Variants in MYH8 observed in about 807,000 individuals in gnomAD.
The protein encoded by MYH8 is myosin-8.
A neutral mutation model predicts 233.2 loss-of-function variants in MYH8; 168 were observed. The ratio of observed to expected loss-of-function variants is 0.72; its 90% CI spans 0.64 to 0.82. MYH8 has a LOEUF of 0.82. Ranked by LOEUF, MYH8 falls within the 40% of genes least tolerant of loss-of-function variation. The probability of loss-of-function intolerance (pLI) is 0.00; values close to 1 mark genes in which losing one functional copy is unlikely to be tolerated. For synonymous variants in MYH8, 785 were observed against 850.6 expected (o/e 0.92, Z 1.34); for missense variants, 1,995 against 2,327.8 (o/e 0.86, Z 2.94).
intron 39 of MYH8, 72 bp from the exon 40 acceptor site, chr17:10,390,675 G>A (rs1315227529): frequency 5.2e-6 from 8 of 1,537,606 alleles, no homozygotes; most frequent in Non-Finnish European, 5.4e-6. Context: ...GACAGGATTA[G>A]TTCCTCAAAT....
rs2142190656 is a variant in MYH8 at position 10,417,070 on chromosome 17, CA to C, written c.512-1363del. Reference sequence around the variant, plus strand: ...TTGATGTCACTAGTTTGACTTCTGGCAATACTAAATAAGGAAGGGGTCTGGA... The same window carrying C: ...TTGATGTCACTAGTTTGACTTCTGGCATACTAAATAAGGAAGGGGTCTGGA... On this transcript the variant is annotated intron_variant, in intron 5 of 39. Coordinates refer to ENST00000403437, the MANE Select transcript of MYH8 (RefSeq NM_002472.3). The surrounding 1 kb of genome is among the most constrained non-coding windows in gnomAD (Gnocchi z 4.1). Among the ~76,000 whole-genome samples the C allele has an allele frequency of 6.6e-6, 1 of 152,230 alleles. No homozygotes were observed. The highest frequency in any genetic ancestry group is 1.9e-4 in the East Asian group (1 of 5,180).
rs1325870585 is a variant in MYH8, at chr17:10,396,526, G to A, written c.4528+27C>T. 1 of 1,613,678 alleles carries A rather than the reference G, an allele frequency of 6.2e-7. No individual in the cohort carries two copies. The highest frequency in any genetic ancestry group is 8.5e-7 in the Non-Finnish European group (1 of 1,179,810). On this transcript the variant is annotated intron_variant, in intron 32 of 39. Transcript: ENST00000403437. This position sits in a 1 kb window ranked among gnomAD's most constrained non-coding sequence, Gnocchi z 4.2. ...TGGAAAGGTCCTCCCAGGGATATAT[G>A]GAGTAGGGAGGACTGTGAGGACTCA...
Position 10,393,111 on chromosome 17 carries a change from C to T in MYH8, c.5266G>A (p.Glu1756Lys). 1 of 1,614,228 alleles carries T rather than the reference C, an allele frequency of 6.2e-7. No individual in the cohort carries two copies. Among genetic ancestry groups the T allele is most frequent in the Non-Finnish European group, 8.5e-7 (1 of 1,180,054 alleles). ...EVIQESRNAE[E>K]KAKKAITDAA... The stretch of plus-strand genomic sequence containing the variant: ...TCAGTGATGGCCTTCTTGGCTTTCT[C>T]TTCTGCATTGCGTGATTCTTGGATT... The change falls in exon 36 of 40, where the codon GAG (glutamate) becomes AAG (lysine). Residue 1756 changes from glutamate (E) to lysine (K), a missense_variant. By Grantham distance (56) the Glu-to-Lys change is moderately conservative. This residue lies in a region of MYH8 where 1,498 missense variants were observed against 1,680.9 expected (regional missense o/e 0.89). Transcript: ENST00000403437.
At chr17:10,420,741 A>G (rs371083753) in intron 2 of MYH8, among the ~76,000 whole-genome samples, 1 of 152,228 alleles carries the variant, frequency 6.6e-6, no homozygotes, top group East Asian at 1.9e-4. Flanking sequence ...TAAAGCAAAT[A>G]ATTATTTTTA....
Position 10,412,268 on chromosome 17 carries a change from A to C in MYH8, c.1416+102T>G. On this transcript the variant is annotated intron_variant, in intron 14 of 39. Coordinates refer to ENST00000403437, the MANE Select transcript of MYH8 (RefSeq NM_002472.3). ...ACCTTTGTTCTAGGTGCAGTGTTGG[A>C]GCAAGTAATATGGACGCTATAAATG... is the stretch of plus-strand genomic sequence containing the variant. The C allele has an allele frequency of 4.3e-6, 7 of 1,610,696 alleles. No individual in the cohort carries two copies. In the Admixed American group the frequency reaches 6.7e-5, roughly 15 times the overall value.
chr17:10,403,087 A>G (rs566954531), intron 22 of MYH8, among the ~76,000 whole-genome samples: 29 of 152,298 alleles, frequency 1.9e-4, no homozygotes, highest in African/African-American at 6.3e-4. Flanking sequence ...TGAAATTTTG[A>G]AAATGTTCAA....
rs1027921989 is a variant in MYH8, at chr17:10,391,760, A to T, written c.5664+122T>A. ...GGGACAAATTCATATTTATAAAATC[A>T]TCCCTCTTAAAATGAGTGGTAGATT... On this transcript the variant is annotated intron_variant, in intron 39 of 39. Coordinates refer to ENST00000403437, the MANE Select transcript of MYH8 (RefSeq NM_002472.3). The T allele has an allele frequency of 5.1e-6, 4 of 779,032 alleles. No homozygotes were observed. The African/African-American group carries it at 6.9e-5, about 13-fold the overall frequency. The allele number at this position is 779,032 out of a possible 1,614,324, so 48.3% of individuals were successfully genotyped here.
rs373314909 is a variant in MYH8, at chr17:10,420,202, A to G, written c.26T>C (p.Met9Thr). Reference protein sequence around the residue: MSASSDAEMAVFGEAAPYL... With the variant: MSASSDAETAVFGEAAPYL... ...GGGAGCAGCTTCGCCAAAAACAGCC[A>G]TCTCAGCGTCTGAGCTCGCACTCAT... is the stretch of plus-strand genomic sequence containing the variant. The change falls in exon 3 of 40, where the codon ATG (methionine) becomes ACG (threonine). Residue 9 changes from methionine (M) to threonine (T), a missense_variant. This residue lies in a region of MYH8 where 479 missense variants were observed against 600.9 expected (regional missense o/e 0.80). Transcript: ENST00000403437. The G allele has an allele frequency of 8.7e-6, 14 of 1,613,430 alleles. No homozygotes were observed. The African/African-American group carries it at 1.6e-4, about 18-fold the overall frequency.
chr17:10,396,816 CT>C lies in MYH8; in HGVS notation c.4348del (p.Arg1450GlyfsTer38). 6.2e-7 allele frequency: 1 copy of C among 1,614,218 alleles called. No homozygotes were observed. On this transcript the variant is annotated frameshift_variant, in exon 31 of 40. Coordinates refer to ENST00000403437, the MANE Select transcript of MYH8 (RefSeq NM_002472.3). LOFTEE classifies it high-confidence loss of function. This position sits in a 1 kb window ranked among gnomAD's most constrained non-coding sequence, Gnocchi z 4.2. The part of the protein sequence containing the change: ...AACAALDKKQ[R>X]NFDKVLSEWK... Reference sequence around the variant, plus strand: ...AGTCTGGGCCACCTTGTCAAAGTTCCTTTGCTTCTTATCAAGGGCTGCACAG... The same window carrying C: ...AGTCTGGGCCACCTTGTCAAAGTTCCTTGCTTCTTATCAAGGGCTGCACAG...
At chr17:10,412,167 C>T (rs1407497065) in intron 14 of MYH8, among the ~76,000 whole-genome samples, 1 of 152,118 alleles carries the variant, frequency 6.6e-6, no homozygotes, top group Admixed American at 6.5e-5. Context: ...TTTTGAAGTC[C>T]CTAGTGTACA....
intron 17 of MYH8, among the ~76,000 whole-genome samples, 188 bp downstream of exon 17, chr17:10,408,903 ATAATCG>A (rs2072218901): frequency 6.6e-6 from 1 of 152,246 alleles, no homozygotes; most frequent in Admixed American, 6.5e-5. Context: ...AATACATTAG[ATAATCG>A]TAATAAGGAA....
chr17:10,399,732 T>C, intron 27 of MYH8, 63 bp from the exon 28 acceptor site: 1 of 1,601,586 alleles, frequency 6.2e-7, no homozygotes, highest in South Asian at 1.1e-5. Context: ...AAAACTTGAT[T>C]CTTAAAATAT....
rs777838341 is a variant in MYH8, at chr17:10,420,129, C to T, written c.99G>A (p.Pro33=). The T allele has an allele frequency of 8.1e-6, 13 of 1,614,110 alleles. No homozygotes were observed. In the East Asian group the frequency reaches 8.9e-5, roughly 11 times the overall value. Residue 33 remains proline (P), a synonymous_variant, in exon 3 of 40, where the codon CCG becomes CCA. Transcript: ENST00000403437. ...CAAAGACAGATGTTTTAGCATCAAA[C>T]GGCTTGTTTTGGGCCTCAATCCGCT... ...EKERIEAQNK[P]FDAKTSVFVA...
chr17:10,415,432 G>A lies in MYH8; in HGVS notation c.648+40C>T, dbSNP rs762311636. The A allele has an allele frequency of 6.4e-5, 103 of 1,613,108 alleles. No homozygotes were observed. The highest frequency in any genetic ancestry group is 8.7e-5 in the Non-Finnish European group (102 of 1,179,142). ...CACATCTGGGACTCCAGATGTCTGAGAGCCTTGACAGAGGTTTTGACTCTG... is the reference window on the plus strand; with the variant it reads ...CACATCTGGGACTCCAGATGTCTGAAAGCCTTGACAGAGGTTTTGACTCTG... On this transcript the variant is annotated intron_variant, in intron 7 of 39. Transcript: ENST00000403437. This position sits in a 1 kb window ranked among gnomAD's most constrained non-coding sequence, Gnocchi z 4.1.
In MYH8 at chr17:10,394,300, G is replaced by T. The variant is rs200890789; in HGVS notation, c.5115C>A (p.Ala1705=). The T allele has an allele frequency of 1.2e-5, 20 of 1,614,018 alleles. No homozygotes were observed. The highest frequency in any genetic ancestry group is 5.0e-5 in the Admixed American group (3 of 60,002). Residue 1705 remains alanine, a synonymous_variant, in exon 35 of 40, where the codon GCC becomes GCA. Coordinates refer to ENST00000403437, the MANE Select transcript of MYH8 (RefSeq NM_002472.3). ...LEQTERSRKI[A]EQELLDASER... is the part of the protein sequence containing the mutation. The stretch of plus-strand genomic sequence containing the variant: ...CACTGGCATCCAGGAGCTCCTGTTC[G>T]GCGATTTTCCTGCTTCTCTCTGTCT...
rs145863180 is a variant in MYH8, at chr17:10,415,542, C to T, written c.578G>A (p.Arg193His). The T allele has an allele frequency of 6.5e-4, 1,046 of 1,614,190 alleles. 2 individuals are homozygous for T. Among genetic ancestry groups the T allele is most frequent in the South Asian group, 8.9e-4 (81 of 91,086 alleles). The change falls in exon 7 of 40, where the codon CGT becomes CAT. Residue 193 changes from arginine (R) to histidine (H), a missense_variant. Arg to His is a conservative substitution (Grantham distance 29). Coordinates refer to ENST00000403437, the MANE Select transcript of MYH8 (RefSeq NM_002472.3). This position sits in a 1 kb window ranked among gnomAD's most constrained non-coding sequence, Gnocchi z 4.1. Reference sequence around the variant, plus strand: ...AATTGTTGCAAAGTATTGGATGACACGCTTGGTGTTCACAGTCTTTCCGGC... The same window carrying T: ...AATTGTTGCAAAGTATTGGATGACATGCTTGGTGTTCACAGTCTTTCCGGC... ...SGAGKTVNTK[R>H]VIQYFATIAV... is the part of the protein sequence containing the mutation.
At chr17:10,391,200 T>C (rs189245289) in intron 39 of MYH8, among the ~76,000 whole-genome samples, 1 of 152,324 alleles carries the variant, frequency 6.6e-6, no homozygotes, top group Admixed American at 6.5e-5. Context: ...TAGTGGTGAG[T>C]GAAGAAGTCA....
intron 5 of MYH8, among the ~76,000 whole-genome samples, chr17:10,416,238 C>T (rs1437224801): frequency 1.3e-5 from 2 of 152,182 alleles, no homozygotes; most frequent in Admixed American, 1.3e-4. Flanking sequence ...TTATTTCACT[C>T]AGCATGGTGT....
chr17:10,410,628 G>A (rs2072235710), intron 15 of MYH8, 149 bp downstream of exon 15: 1 of 1,285,298 alleles, frequency 7.8e-7, no homozygotes, highest in African/African-American at 1.5e-5. Context: ...TTATGTAGAA[G>A]TTAAAAAGAG....
Sources: allele counts gnomAD v4.1 joint callset (sites outside exome capture counted in the v4.1 genomes callset), GRCh38; gene constraint gnomAD v4.1.1; regional missense constraint gnomAD v4.1.1; non-coding constraint Gnocchi (gnomAD v3.1); transcripts MANE v1.5; gene names NCBI Gene and HGNC (gene_info 2026-07-23, HGNC 2026-07-21).